Variants in DGKI observed in about 807,000 individuals in gnomAD.
The protein encoded by DGKI is diacylglycerol kinase iota, also known as DAG kinase iota.
Under a neutral mutation model 147.5 loss-of-function variants are expected in DGKI, and 55 were observed. The observed-to-expected ratio is 0.37, with a 90% CI of 0.30 to 0.47. The LOEUF is 0.47. DGKI is among the 20% of genes least tolerant of loss of function. The probability of loss-of-function intolerance (pLI) is 1.00; values close to 1 mark genes in which losing one functional copy is unlikely to be tolerated. For synonymous variants in DGKI, 469 were observed against 477.1 expected (o/e 0.98, Z 0.22); for missense variants, 1,007 against 1,323.8 (o/e 0.76, Z 3.71).
chr7:137,531,582 C>T (rs912695745), intron 20 of DGKI, among the ~76,000 whole-genome samples: 6 of 152,132 alleles, frequency 3.9e-5, no homozygotes, highest in Non-Finnish European at 7.4e-5. Context: ...GGATTTAGAT[C>T]TCATGTGTTC....
chr7:137,566,546 TAG>T (rs1238631936), intron 19 of DGKI, among the ~76,000 whole-genome samples: 1 of 152,192 alleles, frequency 6.6e-6, no homozygotes, highest in East Asian at 1.9e-4. Flanking sequence ...TGGAAGCAAT[TAG>T]AGTCACTGGA....
chr7:137,620,019 G>GCA (rs3839659), intron 7 of DGKI, 79 bp from the exon 8 acceptor site: 186,746 of 494,822 alleles, frequency 0.38, 14,659 homozygotes, highest in Non-Finnish European at 0.42. Flanking sequence ...ATGTACACAC[G>GCA]CACACACACA....
At chr7:137,669,188 A>G (rs963896134) in intron 3 of DGKI, among the ~76,000 whole-genome samples, 7 of 152,178 alleles carry the variant, frequency 4.6e-5, no homozygotes, top group South Asian at 2.1e-4. Flanking sequence ...GAAGGCATCA[A>G]TGCAGGATTT....
chr7:137,693,285 G>T (rs1823673358), intron 1 of DGKI, among the ~76,000 whole-genome samples: 1 of 151,930 alleles, frequency 6.6e-6, no homozygotes. Context: ...CTTTCCTTCT[G>T]CTCAGAATCC....
intron 1 of DGKI, among the ~76,000 whole-genome samples, chr7:137,819,373 G>A (rs999134351): frequency 6.6e-5 from 10 of 150,546 alleles, no homozygotes; most frequent in African/African-American, 2.4e-4. Flanking sequence ...GTGCAGTGGC[G>A]CCATCTCGGC....
At chr7:137,425,212 A>G (rs1563010972) in intron 28 of DGKI, among the ~76,000 whole-genome samples, 1 of 150,626 alleles carries the variant, frequency 6.6e-6, no homozygotes, top group African/African-American at 2.5e-5. Context: ...TTCCAGAGGA[A>G]AGATCAGACA....
intron 23 of DGKI, among the ~76,000 whole-genome samples, chr7:137,482,836 C>A (rs1456178890): frequency 6.6e-6 from 1 of 151,926 alleles, no homozygotes; most frequent in African/African-American, 2.4e-5. Context: ...CCTTCATGCT[C>A]AAAGTCCCCT....
At chr7:137,723,950 C>T (rs999505380) in intron 1 of DGKI, among the ~76,000 whole-genome samples, 3 of 151,786 alleles carry the variant, frequency 2.0e-5, no homozygotes, top group South Asian at 2.1e-4. Context: ...CCTTGTGATC[C>T]GCCCACCTCG....
rs937907248 is a variant in DGKI at position 137,441,707 on chromosome 7, G to T, written c.2761+2370C>A. 5.4e-4 allele frequency among the ~76,000 whole-genome samples: 82 copies of T among 152,166 alleles called. 6 individuals carry two copies. ...AAAGTGACTAGTTATTACAGAGGGA[G>T]GACTATTTGAGGAAAGCAAACAAAA... On this transcript the variant is annotated intron_variant, in intron 28 of 32. Coordinates refer to ENST00000614521, the MANE Select transcript of DGKI (RefSeq NM_001321708.2).
At chr7:137,537,749 G>A (rs961094806) in intron 20 of DGKI, among the ~76,000 whole-genome samples, 11 of 152,168 alleles carry the variant, frequency 7.2e-5, no homozygotes, top group African/African-American at 2.4e-4. Flanking sequence ...TTGTGTATTA[G>A]CCACCAGCAG....
intron 26 of DGKI, 111 bp downstream of exon 26, chr7:137,465,797 T>C (rs899086963): frequency 7.2e-7 from 1 of 1,396,340 alleles, no homozygotes; most frequent in Non-Finnish European, 9.6e-7. Flanking sequence ...AACAAGAAAA[T>C]CTACACTTCA....
chr7:137,727,596 G>A (rs1794752179), intron 1 of DGKI, among the ~76,000 whole-genome samples: 1 of 152,092 alleles, frequency 6.6e-6, no homozygotes, highest in Non-Finnish European at 1.5e-5. Context: ...AAGAAGTAGG[G>A]GAAGAACCCG....
rs566743803 is a variant in DGKI at position 137,595,022 on chromosome 7, G to A, written c.1311+2825C>T. 4.7e-3 allele frequency among the ~76,000 whole-genome samples: 719 copies of A among 152,220 alleles called. 4 individuals are homozygous for A. The highest frequency in any genetic ancestry group is 7.0e-3 in the Non-Finnish European group (477 of 68,014). ...GCATGCTGAATGCAAGTGGCCATGG[G>A]GCACCCAAGTGTAAATGACTAGTAC... On this transcript the variant is annotated intron_variant, in intron 12 of 32. Coordinates refer to ENST00000614521, the MANE Select transcript of DGKI (RefSeq NM_001321708.2).
chr7:137,665,665 C>T (rs1043016228), intron 3 of DGKI, among the ~76,000 whole-genome samples: 12 of 152,158 alleles, frequency 7.9e-5, no homozygotes, highest in Non-Finnish European at 1.6e-4. Context: ...CTAGGCTGAA[C>T]CCCACCTAGG....
chr7:137,829,086 T>A (rs915613965), intron 1 of DGKI, among the ~76,000 whole-genome samples: 2 of 152,230 alleles, frequency 1.3e-5, no homozygotes, highest in Admixed American at 1.3e-4. Flanking sequence ...CTATTTTAGA[T>A]GGCAAAACAG....
chr7:137,844,746 A>T (rs1398749415), intron 1 of DGKI, among the ~76,000 whole-genome samples: 6 of 152,218 alleles, frequency 3.9e-5, no homozygotes, highest in East Asian at 1.9e-4. Context: ...CATACATTTT[A>T]AAAAAGGAGG....
chr7:137,496,846 T>G lies in DGKI; in HGVS notation c.2249-9157A>C, dbSNP rs947352133. On this transcript the variant is annotated intron_variant, in intron 21 of 32. Transcript: ENST00000614521. ...GTAAAACCTAGACCTATAAAAACCC[T>G]GAATGATAACCTAGGAAATATCATT... Among the ~76,000 whole-genome samples, 10 of 152,226 alleles carry G rather than the reference T, an allele frequency of 6.6e-5. No individual in the cohort carries two copies. In the East Asian group the frequency reaches 1.9e-3, roughly 29 times the overall value.
intron 1 of DGKI, among the ~76,000 whole-genome samples, chr7:137,702,337 G>A (rs920886133): frequency 6.6e-6 from 1 of 151,990 alleles, no homozygotes; most frequent in African/African-American, 2.4e-5. Flanking sequence ...ATCAAAAGAA[G>A]TAAAAGACAT....
At chr7:137,700,835 G>C (rs375784486) in intron 1 of DGKI, among the ~76,000 whole-genome samples, 1 of 151,996 alleles carries the variant, frequency 6.6e-6, no homozygotes, top group Admixed American at 6.5e-5. Context: ...CTGAGATGGC[G>C]CCACTGCACT....
Sources: allele counts gnomAD v4.1 joint callset (sites outside exome capture counted in the v4.1 genomes callset), GRCh38; gene constraint gnomAD v4.1.1; transcripts MANE v1.5; gene names NCBI Gene and HGNC (gene_info 2026-07-23, HGNC 2026-07-21).